The following OR2H1 variants were observed in gnomAD, a reference collection of about 807,000 sequenced individuals.
The protein encoded by OR2H1 is olfactory receptor 2H1.
For missense variants in OR2H1, 380 were observed against 367.3 expected (o/e 1.03, Z -0.28); for synonymous variants, 155 against 155.2 (o/e 1.00, Z 0.01).
chr6:29,463,970 G>A lies in OR2H1; in HGVS notation c.*1250G>A, dbSNP rs1008340352. 2 of 166,542 alleles carry A rather than the reference G, an allele frequency of 1.2e-5. No individual in the cohort carries two copies. Among genetic ancestry groups the A allele is most frequent in the Non-Finnish European group, 2.9e-5 (2 of 68,122 alleles). 10.3% of individuals were successfully genotyped at this position (166,542 alleles called of 1,614,324 possible). ...CCCATGTTCTAATGCCATCATCTTG[G>A]TGGTTTAGGATTTCAACATATGAAT... On this transcript the variant is annotated 3_prime_UTR_variant, in exon 4 of 4. Transcript: ENST00000377133.
At position 29,462,811 on chromosome 6, in the gene OR2H1, CTGTG is replaced by C; in HGVS notation, c.*92_*95del. The C allele has an allele frequency of 1.1e-6, 1 of 870,366 alleles. No homozygotes were observed. The highest frequency in any genetic ancestry group is 1.8e-6 in the Non-Finnish European group (1 of 561,092). 53.9% of individuals were successfully genotyped at this position (870,366 alleles called of 1,614,324 possible). A position where few individuals can be genotyped will look rare whatever the true frequency, so the allele number is the denominator to read the frequency against. On this transcript the variant is annotated 3_prime_UTR_variant, in exon 4 of 4. Transcript: ENST00000377133. ...ACCCTTCCCACATACACCTGAGCCA[CTGTG>C]GTGGGTCACAGTGTGGCTATGTTAT... is the stretch of plus-strand genomic sequence containing the variant.
Position 29,462,001 on chromosome 6 carries a change from C to A in OR2H1, c.232C>A (p.Gln78Lys). The A allele has an allele frequency of 6.2e-7, 1 of 1,613,314 alleles. No individual in the cohort carries two copies. The highest frequency in any genetic ancestry group is 8.5e-7 in the Non-Finnish European group (1 of 1,180,022). ...CTGCTTTACCACAAGTTGTGTCCCC[C>A]AGATGCTGGTCAACCTCTGGGGCCC... ...DLCFTTSCVP[Q>K]MLVNLWGPKK... is the part of the protein sequence containing the mutation. The change falls in exon 4 of 4, where the codon CAG becomes AAG. Residue 78 changes from glutamine to lysine, a missense_variant. Coordinates refer to ENST00000377133, the MANE Select transcript of OR2H1 (RefSeq NM_030883.5).
Position 29,461,838 on chromosome 6 carries a change from G to T in OR2H1, c.69G>T (p.Arg23Ser). The change falls in exon 4 of 4, where the codon AGG (arginine) becomes AGT (serine). Residue 23 changes from arginine (R) to serine (S), a missense_variant. Transcript: ENST00000377133. ...LGFSEHPALE[R>S]TLFVVVFTSY... ...TCTCTGAACACCCAGCACTGGAAAG[G>T]ACTCTCTTTGTGGTTGTCTTCACTT... is the stretch of plus-strand genomic sequence containing the variant. The T allele has an allele frequency of 6.2e-7, 1 of 1,613,016 alleles. No individual in the cohort carries two copies. Among genetic ancestry groups the T allele is most frequent in the Non-Finnish European group, 8.5e-7 (1 of 1,180,018 alleles).
chr6:29,461,837 G>A lies in OR2H1; in HGVS notation c.68G>A (p.Arg23Lys). The A allele has an allele frequency of 6.2e-7, 1 of 1,613,068 alleles. No individual in the cohort carries two copies. Among genetic ancestry groups the A allele is most frequent in the Non-Finnish European group, 8.5e-7 (1 of 1,180,038 alleles). Reference sequence around the variant, plus strand: ...TTCTCTGAACACCCAGCACTGGAAAGGACTCTCTTTGTGGTTGTCTTCACT... The same window carrying A: ...TTCTCTGAACACCCAGCACTGGAAAAGACTCTCTTTGTGGTTGTCTTCACT... ...LGFSEHPALE[R>K]TLFVVVFTSY... Residue 23 changes from arginine (R) to lysine (K), a missense_variant, in exon 4 of 4, where the codon AGG becomes AAG. Physicochemically the swap from Arg to Lys is conservative, Grantham distance 26. Coordinates refer to ENST00000377133, the MANE Select transcript of OR2H1 (RefSeq NM_030883.5).
rs1291564904 is a variant in OR2H1, at chr6:29,462,676, C to T, written c.907C>T (p.Leu303=). ...GATAAAGCGAGCACTCAGGAGGTTACTAGGGAAGGAAAGAGACTCCAGGGA... is the reference window on the plus strand; with the variant it reads ...GATAAAGCGAGCACTCAGGAGGTTATTAGGGAAGGAAAGAGACTCCAGGGA... ...KEIKRALRRL[L]GKERDSRESW... is the part of the protein sequence containing the mutation. Residue 303 remains leucine (L), a synonymous_variant, in exon 4 of 4, where the codon CTA becomes TTA. Coordinates refer to ENST00000377133, the MANE Select transcript of OR2H1 (RefSeq NM_030883.5). 14 of 1,612,984 alleles carry T rather than the reference C, an allele frequency of 8.7e-6. No individual in the cohort carries two copies. The highest frequency in any genetic ancestry group is 1.2e-5 in the Non-Finnish European group (14 of 1,179,988).
In OR2H1 at chr6:29,461,877, C is replaced by G. The variant is rs1787306208; in HGVS notation, c.108C>G (p.Thr36=). 1 of 1,613,032 alleles carries G rather than the reference C, an allele frequency of 6.2e-7. No individual in the cohort carries two copies. Among genetic ancestry groups the G allele is most frequent in the Non-Finnish European group, 8.5e-7 (1 of 1,179,988 alleles). The part of the protein sequence containing the change: ...FVVVFTSYLL[T]LVGNTLIILL... ...TTGTCTTCACTTCCTACCTCTTGAC[C>G]CTGGTGGGCAACACACTCATCATCC... is the stretch of plus-strand genomic sequence containing the variant. Residue 36 remains threonine, a synonymous_variant, in exon 4 of 4, where the codon ACC becomes ACG. Coordinates refer to ENST00000377133, the MANE Select transcript of OR2H1 (RefSeq NM_030883.5).
Position 29,461,713 on chromosome 6 carries a change from G to A in OR2H1, c.-57G>A, listed in dbSNP as rs1787271255. The stretch of plus-strand genomic sequence containing the variant: ...ACCCAGGCTGAGTTTTGATAAGACA[G>A]GTTGAATCACACTGGGGTGACAGCC... On this transcript the variant is annotated 5_prime_UTR_variant, in exon 4 of 4. Transcript: ENST00000377133. 2 of 1,382,956 alleles carry A rather than the reference G, an allele frequency of 1.4e-6. No homozygotes were observed. The highest frequency in any genetic ancestry group is 1.8e-5 in the Admixed American group (1 of 55,038). The allele number at this position is 1,382,956 out of a possible 1,614,324, so 85.7% of individuals were successfully genotyped here.
chr6:29,461,869 C>G lies in OR2H1; in HGVS notation c.100C>G (p.Leu34Val). ...TLFVVVFTSY[L>V]LTLVGNTLII... ...CTTTGTGGTTGTCTTCACTTCCTAC[C>G]TCTTGACCCTGGTGGGCAACACACT... The change falls in exon 4 of 4, where the codon CTC (leucine) becomes GTC (valine). Residue 34 changes from leucine (L) to valine (V), a missense_variant. Transcript: ENST00000377133. 6.2e-7 allele frequency: 1 copy of G among 1,613,090 alleles called. No homozygotes were observed. The highest frequency in any genetic ancestry group is 8.5e-7 in the Non-Finnish European group (1 of 1,180,024).
At position 29,462,729 on chromosome 6, in the gene OR2H1, C is replaced by G; in HGVS notation, c.*9C>G. 6.3e-7 allele frequency: 1 copy of G among 1,588,032 alleles called. No homozygotes were observed. The highest frequency in any genetic ancestry group is 1.4e-5 in the African/African-American group (1 of 73,940). ...GCTGGAGAGCTGCTTAATATACTTT[C>G]GAAAGTAAGAAGAGTTTCTTCAAGA... On this transcript the variant is annotated 3_prime_UTR_variant, in exon 4 of 4. Coordinates refer to ENST00000377133, the MANE Select transcript of OR2H1 (RefSeq NM_030883.5).
rs1398001579 is a variant in OR2H1 at position 29,462,605 on chromosome 6, G to T, written c.836G>T (p.Gly279Val). ...TTCTTTGGTCTCTTCTATGCAGTGG[G>T]CACTCCTTCACTTAACCCTCTCGTA... ...GKFFGLFYAVGTPSLNPLVYT... is the reference protein window; with the variant it reads ...GKFFGLFYAVVTPSLNPLVYT... The change falls in exon 4 of 4, where the codon GGC (glycine) becomes GTC (valine). Residue 279 changes from glycine to valine, a missense_variant. Transcript: ENST00000377133. The T allele has an allele frequency of 6.2e-7, 1 of 1,612,996 alleles. No homozygotes were observed. The highest frequency in any genetic ancestry group is 1.1e-5 in the South Asian group (1 of 91,072).
In OR2H1 at chr6:29,462,579, G is replaced by C. The variant is rs148433584; in HGVS notation, c.810G>C (p.Lys270Asn). ...PKNPYAQGRG[K>N]FFGLFYAVGT... ...ATCCGTATGCCCAAGGGAGGGGCAAGTTCTTTGGTCTCTTCTATGCAGTGG... is the reference window on the plus strand; with the variant it reads ...ATCCGTATGCCCAAGGGAGGGGCAACTTCTTTGGTCTCTTCTATGCAGTGG... Residue 270 changes from lysine to asparagine, a missense_variant, in exon 4 of 4, where the codon AAG becomes AAC. Lys to Asn is a moderately conservative substitution (Grantham distance 94, BLOSUM62 0). Transcript: ENST00000377133. 8.1e-4 allele frequency: 1,297 copies of C among 1,610,050 alleles called. 13 individuals are homozygous for C. The African/African-American group carries it at 0.016, about 20-fold the overall frequency.
In OR2H1 at chr6:29,460,405, G is replaced by C. The variant is rs1787110569; in HGVS notation, c.-325G>C. The C allele has an allele frequency of 9.9e-6, 1 of 100,752 alleles. No homozygotes were observed. The highest frequency in any genetic ancestry group is 1.8e-5 in the Non-Finnish European group (1 of 55,810). 6.2% of individuals were successfully genotyped at this position (100,752 alleles called of 1,614,324 possible). On this transcript the variant is annotated splice_region_variant and 5_prime_UTR_variant, in exon 3 of 4. Transcript: ENST00000377133. ...TTTTTTTTTTTTTTTTTTTTGTAGA[G>C]ACGAGGTTTCACCATGTTGACCAGG... is the stretch of plus-strand genomic sequence containing the variant.
At chr6:29,460,526 C>T (rs904057651) in intron 3 of OR2H1, 72 bp downstream of exon 3, 14 of 151,820 alleles carry the variant, frequency 9.2e-5, no homozygotes, top group African/African-American at 3.1e-4. Flanking sequence ...GCCAATAATA[C>T]TTTATCAATG....
Position 29,462,128 on chromosome 6 carries a change from G to A in OR2H1, c.359G>A (p.Arg120Gln), listed in dbSNP as rs755859574. 2.9e-5 allele frequency: 47 copies of A among 1,613,554 alleles called. No individual in the cohort carries two copies. Among genetic ancestry groups the A allele is most frequent in the Middle Eastern group, 1.6e-4 (1 of 6,062 alleles). The change falls in exon 4 of 4, where the codon CGA (arginine) becomes CAA (glutamine). Residue 120 changes from arginine to glutamine, a missense_variant. Transcript: ENST00000377133. Reference protein sequence around the residue: ...CILLTVMAFDRYVAVCQPLHY... With the variant: ...CILLTVMAFDQYVAVCQPLHY... ...CTCCTGACAGTGATGGCCTTTGACC[G>A]ATACGTGGCTGTCTGCCAGCCCCTC...
At chr6:29,458,182 G>A (rs1190008770) in intron 1 of OR2H1, among the ~76,000 whole-genome samples, 1 of 152,226 alleles carries the variant, frequency 6.6e-6, no homozygotes. Context: ...AATGTGGTTA[G>A]CGCATAGCTT....
chr6:29,463,921 A>G lies in OR2H1; in HGVS notation c.*1201A>G, dbSNP rs3128854. ...TTCCAATTATGAAGCCTCTTCCCTC[A>G]TGACCTAATCACTGCCCAAAGGCCC... On this transcript the variant is annotated 3_prime_UTR_variant, in exon 4 of 4. Coordinates refer to ENST00000377133, the MANE Select transcript of OR2H1 (RefSeq NM_030883.5). 103,910 of 165,656 alleles carry G rather than the reference A, an allele frequency of 0.63. 33,284 individuals are homozygous for G. The highest frequency in any genetic ancestry group is 0.77 in the African/African-American group (31,940 of 41,448). The allele number at this position is 165,656 out of a possible 1,614,324, so 10.3% of individuals were successfully genotyped here. A position where few individuals can be genotyped will look rare whatever the true frequency, so the allele number is the denominator to read the frequency against.
chr6:29,462,360 G>T lies in OR2H1; in HGVS notation c.591G>T (p.Leu197Phe), dbSNP rs1787399306. The change falls in exon 4 of 4, where the codon TTG becomes TTT. Residue 197 changes from leucine (L) to phenylalanine (F), a missense_variant. By Grantham distance (22) the Leu-to-Phe change is conservative. Transcript: ENST00000377133. Reference protein sequence around the residue: ...CGDTSYNEIQLAVSSVIFVVV... With the variant: ...CGDTSYNEIQFAVSSVIFVVV... Reference sequence around the variant, plus strand: ...ATACCTCCTACAATGAAATCCAGTTGGCTGTGTCCAGTGTCATCTTCGTGG... The same window carrying T: ...ATACCTCCTACAATGAAATCCAGTTTGCTGTGTCCAGTGTCATCTTCGTGG... The T allele has an allele frequency of 3.1e-6, 5 of 1,613,052 alleles. No homozygotes were observed. The highest frequency in any genetic ancestry group is 4.2e-6 in the Non-Finnish European group (5 of 1,180,030).
At position 29,462,637 on chromosome 6, in the gene OR2H1, C is replaced by T. The variant is rs780119429; in HGVS notation, c.868C>T (p.Leu290=). 3.1e-6 allele frequency: 5 copies of T among 1,613,032 alleles called. No homozygotes were observed. The highest frequency in any genetic ancestry group is 4.2e-6 in the Non-Finnish European group (5 of 1,180,014). ...TTCACTTAACCCTCTCGTATACACC[C>T]TGAGGAACAAGGAGATAAAGCGAGC... ...TPSLNPLVYT[L]RNKEIKRALR... is the part of the protein sequence containing the mutation. The change falls in exon 4 of 4, where the codon CTG becomes TTG. Residue 290 remains leucine, a synonymous_variant. Transcript: ENST00000377133.
At chr6:29,457,951 G>T (rs190411728) in intron 1 of OR2H1, among the ~76,000 whole-genome samples, 2,229 of 152,286 alleles carry the variant, frequency 0.015, 35 homozygotes, top group East Asian at 0.088. Context: ...GCTGTCTATA[G>T]GTTATGGGGC....
Sources: gnomAD v4.1 joint callset for allele counts (sites outside exome capture counted in the v4.1 genomes callset) on GRCh38, gnomAD v4.1.1 for gene constraint, MANE v1.5 for transcripts, NCBI Gene and HGNC (gene_info 2026-07-23, HGNC 2026-07-21) for gene names.